The following MTCL1 variants were observed in gnomAD, a reference collection of about 807,000 sequenced individuals.
MTCL1 encodes microtubule cross-linking factor 1.
Under a neutral mutation model 141.4 loss-of-function variants are expected in MTCL1, and 79 were observed. That is an observed-to-expected ratio of 0.56 (90% CI 0.47 to 0.67). The LOEUF (loss-of-function observed/expected upper bound fraction) is 0.67, where lower values mean the gene tolerates loss of function less well. MTCL1 is among the 30% of genes least tolerant of loss of function. The probability of loss-of-function intolerance (pLI) is 0.00; values close to 1 mark genes in which losing one functional copy is unlikely to be tolerated. For synonymous variants in MTCL1, 914 were observed against 875.8 expected, an observed-to-expected ratio of 1.04 and a Z score of -0.77; for missense variants, 2,177 against 2,113.9, an observed-to-expected ratio of 1.03 and a Z score of -0.59.
intron 4 of MTCL1, among the ~76,000 whole-genome samples, chr18:8,748,726 C>T (rs72936056): frequency 0.17 from 25,482 of 151,946 alleles, 2,700 homozygotes; most frequent in East Asian, 0.32. Flanking sequence ...TTTGTATTAA[C>T]GTTAATAGTA....
At chr18:8,744,864 A>AC (rs1006620027) in intron 4 of MTCL1, among the ~76,000 whole-genome samples, 31 of 151,808 alleles carry the variant, frequency 2.0e-4, no homozygotes, top group Admixed American at 9.8e-4. Context: ...CCTGCCCTCC[A>AC]CCCCCCGGAA....
rs1220187127 is a variant in MTCL1 at position 8,725,776 on chromosome 18, C to CTTTTTTTTT, written c.357+5285_357+5293dup. Among the ~76,000 whole-genome samples the CTTTTTTTTT allele has an allele frequency of 8.4e-4, 93 of 110,994 alleles. 7 individuals carry two copies. The highest frequency in any genetic ancestry group is 1.8e-3 in the African/African-American group (49 of 27,048). 72.8% of individuals were successfully genotyped at this position (110,994 alleles called of 152,430 possible). On this transcript the variant is annotated intron_variant, in intron 4 of 16. Transcript: ENST00000359865. ...GCGTTATGTATTTTGGTGCCATTTT[C>CTTTTTTTTT]TTTTTTTTTTTTTCTTTTTTTTTTT...
chr18:8,735,245 A>G (rs966578083), intron 4 of MTCL1, among the ~76,000 whole-genome samples: 5 of 152,130 alleles, frequency 3.3e-5, no homozygotes, highest in Non-Finnish European at 7.4e-5. Flanking sequence ...GCCTTTGTCT[A>G]TGGTGGATTT....
At chr18:8,784,381 G>A (rs1265901338) in exon 6 of MTCL1, 1 of 1,528,430 alleles carries the variant, frequency 6.5e-7, no homozygotes, top group Admixed American at 2.1e-5. Context: ...AAATGTTTGA[G>A]AAGACGTCGG....
At chr18:8,757,856 T>C (rs1199870940) in intron 4 of MTCL1, among the ~76,000 whole-genome samples, 1 of 152,224 alleles carries the variant, frequency 6.6e-6, no homozygotes, top group Non-Finnish European at 1.5e-5. Flanking sequence ...TCTTTTGACA[T>C]AATTTTTCTT....
intron 4 of MTCL1, among the ~76,000 whole-genome samples, chr18:8,723,243 T>C (rs917357630): frequency 5.9e-5 from 9 of 152,210 alleles, no homozygotes; most frequent in Non-Finnish European, 1.2e-4. Context: ...TATCTCATGA[T>C]ACAAGGTTCA....
At position 8,810,658 on chromosome 18, in the gene MTCL1, T is replaced by C. The variant is rs1378526908; in HGVS notation, c.2605-2321T>C. On this transcript the variant is annotated intron_variant, in intron 11 of 16. Transcript: ENST00000359865. The surrounding 1 kb of genome is among the most constrained non-coding windows in gnomAD (Gnocchi z 5.0). The stretch of plus-strand genomic sequence containing the variant: ...CTGGGTTACGTGGACTTCCAGCAGC[T>C]CTTTTAAACTGGGATTTTGTGGTGC... Among the ~76,000 whole-genome samples the C allele has an allele frequency of 6.6e-6, 1 of 152,052 alleles. No homozygotes were observed. Among genetic ancestry groups the C allele is most frequent in the Non-Finnish European group, 1.5e-5 (1 of 68,006 alleles).
chr18:8,798,218 CACA>C, exon 10 of MTCL1: 2 of 1,599,632 alleles, frequency 1.3e-6, no homozygotes, highest in Non-Finnish European at 1.7e-6. Context: ...GAGCACTCCC[CACA>C]CTCCCGGGTG....
intron 4 of MTCL1, among the ~76,000 whole-genome samples, chr18:8,768,789 C>CTTTTTTTTTTTTTTTTTTT (rs773958752): frequency 8.5e-6 from 1 of 117,898 alleles, no homozygotes. Flanking sequence ...CTTTTCTTCT[C>CTTTTTTTTTTTTTTTTTTT]TTTTTTTTTT....
intron 4 of MTCL1, among the ~76,000 whole-genome samples, chr18:8,758,805 A>G (rs1395952170): frequency 1.3e-5 from 2 of 152,212 alleles, no homozygotes; most frequent in East Asian, 1.9e-4. Flanking sequence ...AAACAAAACT[A>G]TTGTTGCAAA....
chr18:8,777,805 C>T, intron 4 of MTCL1, 28 bp from the exon 4 acceptor site: 1 of 1,611,562 alleles, frequency 6.2e-7, no homozygotes, highest in Non-Finnish European at 8.5e-7. Context: ...AGCCCTTGGT[C>T]ACAGAATGTC....
intron 1 of MTCL1, among the ~76,000 whole-genome samples, chr18:8,710,857 TA>T (rs2096085283): frequency 6.7e-5 from 6 of 89,434 alleles, no homozygotes; most frequent in East Asian, 3.5e-4. Context: ...TTTTTTTTTT[TA>T]ATCTGTTTTC....
In MTCL1 at chr18:8,783,510, G is replaced by A. The variant is rs367940218; in HGVS notation, c.418-20G>A. On this transcript the variant is annotated intron_variant, in intron 5 of 16. Transcript: ENST00000359865. ...GGTATTTTCAAATAACCCTTCTCCCGGGCTGTTCTCTCCTGGCAGGATGAC... is the reference window on the plus strand; with the variant it reads ...GGTATTTTCAAATAACCCTTCTCCCAGGCTGTTCTCTCCTGGCAGGATGAC... 8.9e-6 allele frequency: 14 copies of A among 1,572,488 alleles called. No individual in the cohort carries two copies. Among genetic ancestry groups the A allele is most frequent in the East Asian group, 2.3e-5 (1 of 43,990 alleles).
At position 8,807,050 on chromosome 18, in the gene MTCL1, G is replaced by A. The variant is rs746329016; in HGVS notation, c.2594G>A (p.Arg865His). The change falls in exon 11 of 17, where the codon CGT becomes CAT. Residue 865 changes from arginine to histidine, a missense_variant. Transcript: ENST00000359865. ...GTGGAGTGGGCCGTGCTCAAGTGCCGTCTGGAACAGGTACCACCCTCCCAG... is the reference window on the plus strand; with the variant it reads ...GTGGAGTGGGCCGTGCTCAAGTGCCATCTGGAACAGGTACCACCCTCCCAG... 78 of 1,612,760 alleles carry A rather than the reference G, an allele frequency of 4.8e-5. No homozygotes were observed. The highest frequency in any genetic ancestry group is 1.7e-4 in the Middle Eastern group (1 of 5,992).
At chr18:8,785,906 A>T in intron 6 of MTCL1, 30 bp from the exon 6 acceptor site, 1 of 1,541,178 alleles carries the variant, frequency 6.5e-7, no homozygotes, top group Non-Finnish European at 8.7e-7. Flanking sequence ...AAAGAACAAC[A>T]ACAACAAATT....
At chr18:8,749,751 C>T (rs2096360922) in intron 4 of MTCL1, among the ~76,000 whole-genome samples, 1 of 152,138 alleles carries the variant, frequency 6.6e-6, no homozygotes, top group Non-Finnish European at 1.5e-5. Flanking sequence ...AGGGCATGAT[C>T]CTGGATCGTA....
chr18:8,793,142 A>G, intron 8 of MTCL1, 22 bp downstream of exon 7: 1 of 1,611,660 alleles, frequency 6.2e-7, no homozygotes, highest in Admixed American at 1.7e-5. Context: ...ACACGGACTC[A>G]GCACAACCGC....
Position 8,830,523 on chromosome 18 carries a change from C to T in MTCL1, c.*19-1084C>T, listed in dbSNP as rs1319184085. On this transcript the variant is annotated intron_variant, in intron 16 of 16. Coordinates refer to ENST00000359865, the Ensembl canonical transcript of MTCL1. The surrounding 1 kb of genome is among the most constrained non-coding windows in gnomAD (Gnocchi z 6.4). ...CCATTCCGTGCAGCCGTCTGTCCTT[C>T]CCCCGCTGCTGCTCCCCTGCACCAC... 1.0e-5 allele frequency: 10 copies of T among 986,290 alleles called. No individual in the cohort carries two copies. The highest frequency in any genetic ancestry group is 1.1e-5 in the Non-Finnish European group (9 of 830,666). The allele number at this position is 986,290 out of a possible 1,614,324, so 61.1% of individuals were successfully genotyped here.
Position 8,779,575 on chromosome 18 carries a change from G to A in MTCL1, c.417+1683G>A, listed in dbSNP as rs934876267. On this transcript the variant is annotated intron_variant, in intron 5 of 16. Coordinates refer to ENST00000359865, the Ensembl canonical transcript of MTCL1. The surrounding 1 kb of genome is among the most constrained non-coding windows in gnomAD (Gnocchi z 4.1). ...GGCCGAGCTCAGCTTCCCTCAGGCC[G>A]CCCCTCTCCTGTACACAACACCCGG... Among the ~76,000 whole-genome samples, 37 of 152,106 alleles carry A rather than the reference G, an allele frequency of 2.4e-4. 1 individual carries two copies. The highest frequency in any genetic ancestry group is 2.2e-3 in the Admixed American group (33 of 15,272).
Sources: allele counts gnomAD v4.1 joint callset (sites outside exome capture counted in the v4.1 genomes callset), GRCh38; gene constraint gnomAD v4.1.1; non-coding constraint Gnocchi (gnomAD v3.1); transcripts MANE v1.5; gene names NCBI Gene and HGNC (gene_info 2026-07-23, HGNC 2026-07-21).